Variants in PIK3C2G observed in about 807,000 individuals in gnomAD.
PIK3C2G encodes phosphatidylinositol-4-phosphate 3-kinase catalytic subunit type 2 gamma, also known as phosphatidylinositol 3-kinase C2 domain-containing subunit gamma.
Under a neutral mutation model 181.1 loss-of-function variants are expected in PIK3C2G, and 168 were observed. The observed-to-expected ratio is 0.93, with a 90% CI of 0.82 to 1.05. PIK3C2G has a LOEUF of 1.05. Among genes scored for constraint, PIK3C2G ranks in the 50% least tolerant of loss-of-function variants. The probability of loss-of-function intolerance (pLI) is 0.00; values close to 1 mark genes in which losing one functional copy is unlikely to be tolerated. For synonymous variants in PIK3C2G, 573 were observed against 592.2 expected (o/e 0.97, Z 0.47); for missense variants, 1,869 against 1,732.8 (o/e 1.08, Z -1.40).
intron 6 of PIK3C2G, among the ~76,000 whole-genome samples, chr12:18,319,768 T>C (rs1951025308): frequency 6.6e-6 from 1 of 152,184 alleles, no homozygotes; most frequent in African/African-American, 2.4e-5. Flanking sequence ...TTTCCTATTT[T>C]CCCTCTTCTT....
rs1437413508 is a variant in PIK3C2G at position 18,251,053 on chromosome 12, A to G, written c.-79+2971A>G. 3.3e-5 allele frequency among the ~76,000 whole-genome samples: 5 copies of G among 151,958 alleles called. No individual in the cohort carries two copies. The East Asian group carries it at 9.6e-4, about 29-fold the overall frequency. On this transcript the variant is annotated intron_variant, in intron 1 of 11. Transcript: ENST00000535651. Reference sequence around the variant, plus strand: ...CAAAGAAATCAGAAAAGAGAGTAGAATTCCTTAATTCTTGAATTTTCTAGA... The same window carrying G: ...CAAAGAAATCAGAAAAGAGAGTAGAGTTCCTTAATTCTTGAATTTTCTAGA...
intron 13 of PIK3C2G, among the ~76,000 whole-genome samples, chr12:18,372,947 T>G (rs1275733378): frequency 6.6e-6 from 1 of 152,054 alleles, no homozygotes; most frequent in Non-Finnish European, 1.5e-5. Flanking sequence ...GCGTCAAAAT[T>G]GTAGACAATG....
At chr12:18,531,500 G>GCCCTTT (rs1403521631) in intron 24 of PIK3C2G, among the ~76,000 whole-genome samples, 3 of 151,998 alleles carry the variant, frequency 2.0e-5, no homozygotes, top group African/African-American at 7.2e-5. Flanking sequence ...TCTTCAGGTT[G>GCCCTTT]CCCTTTTGTA....
Position 18,647,770 on chromosome 12 carries a change from G to A in PIK3C2G, c.4309-106G>A, listed in dbSNP as rs556240838. The A allele has an allele frequency of 9.7e-6, 5 of 513,044 alleles. No homozygotes were observed. The South Asian group carries it at 1.7e-4, about 17-fold the overall frequency. 31.8% of individuals were successfully genotyped at this position (513,044 alleles called of 1,614,324 possible). A position where few individuals can be genotyped will look rare whatever the true frequency, so the allele number is the denominator to read the frequency against. ...TCTGACATTAACCTATCTATTCCAG[G>A]GTATAAGATATTAGCAGCTAATTTT... is the stretch of plus-strand genomic sequence containing the variant. On this transcript the variant is annotated intron_variant, in intron 32 of 32. Coordinates refer to ENST00000538779, the MANE Select transcript of PIK3C2G (RefSeq NM_001288772.2).
At chr12:18,612,012 A>G (rs1948365898) in intron 31 of PIK3C2G, among the ~76,000 whole-genome samples, 1 of 152,078 alleles carries the variant, frequency 6.6e-6, no homozygotes, top group African/African-American at 2.4e-5. Context: ...GGAGTCTTAT[A>G]TCAGTTGCAA....
rs538113790 is a variant in PIK3C2G, at chr12:18,632,847, A to G, written c.4183-7582A>G. Among the ~76,000 whole-genome samples, 46 of 152,172 alleles carry G rather than the reference A, an allele frequency of 3.0e-4. 1 individual carries two copies. The highest frequency in any genetic ancestry group is 6.0e-4 in the Non-Finnish European group (41 of 68,028). On this transcript the variant is annotated intron_variant, in intron 31 of 32. Transcript: ENST00000538779. Reference sequence around the variant, plus strand: ...ACAATCTACTTTACTGGGTCTCTGGATTCAAATGCTGATCTCTTTTGGAAA... The same window carrying G: ...ACAATCTACTTTACTGGGTCTCTGGGTTCAAATGCTGATCTCTTTTGGAAA...
At chr12:18,602,348 GC>G (rs1045681515) in intron 30 of PIK3C2G, among the ~76,000 whole-genome samples, 2 of 151,212 alleles carry the variant, frequency 1.3e-5, no homozygotes, top group African/African-American at 2.4e-5. Context: ...GGGACCTCAC[GC>G]CCACCCCCCA....
chr12:18,592,448 GT>G (rs1187251482), intron 29 of PIK3C2G, among the ~76,000 whole-genome samples: 3 of 151,830 alleles, frequency 2.0e-5, no homozygotes, highest in Non-Finnish European at 4.4e-5. Flanking sequence ...ATTCCCATTG[GT>G]TTTGAAATAT....
chr12:18,448,930 T>C (rs1947180184), intron 18 of PIK3C2G, among the ~76,000 whole-genome samples: 1 of 152,014 alleles, frequency 6.6e-6, no homozygotes, highest in African/African-American at 2.4e-5. Context: ...CTATTATGAA[T>C]AAGGCTGCAA....
At chr12:18,477,189 C>T (rs1939089890) in intron 18 of PIK3C2G, among the ~76,000 whole-genome samples, 1 of 152,114 alleles carries the variant, frequency 6.6e-6, no homozygotes, top group South Asian at 2.1e-4. Context: ...ACCTTAATTA[C>T]CTTCCTAAAG....
chr12:18,481,095 G>A (rs1939517646), intron 18 of PIK3C2G, among the ~76,000 whole-genome samples: 1 of 100,094 alleles, frequency 1.0e-5, no homozygotes, highest in Non-Finnish European at 2.0e-5. Context: ...ACCACATCCA[G>A]CTAATTTTTT....
intron 26 of PIK3C2G, among the ~76,000 whole-genome samples, chr12:18,557,340 G>T (rs1446125486): frequency 2.0e-5 from 3 of 151,622 alleles, no homozygotes; most frequent in Admixed American, 2.0e-4. Flanking sequence ...AAAATAACAA[G>T]AATTTAGTAA....
intron 31 of PIK3C2G, among the ~76,000 whole-genome samples, chr12:18,636,547 G>C (rs76210816): frequency 0.092 from 13,944 of 152,162 alleles, 880 homozygotes; most frequent in Non-Finnish European, 0.14. Context: ...TTGTTAACAG[G>C]TATTGATAAA....
intron 1 of PIK3C2G, among the ~76,000 whole-genome samples, chr12:18,275,241 G>T (rs1948932938): frequency 6.6e-6 from 1 of 152,192 alleles, no homozygotes; most frequent in African/African-American, 2.4e-5. Flanking sequence ...CTTCCCAAAA[G>T]ATTGTAAGAC....
the PIK3C2G span, among the ~76,000 whole-genome samples, chr12:18,709,890 T>G: frequency 1.3e-5 from 2 of 152,098 alleles, no homozygotes; most frequent in Non-Finnish European, 2.9e-5. Context: ...TTGGTTAAAT[T>G]TATTCCTAGA....
chr12:18,670,299 C>T, the PIK3C2G span, among the ~76,000 whole-genome samples: 14 of 152,158 alleles, frequency 9.2e-5, no homozygotes, highest in South Asian at 2.1e-4. Flanking sequence ...TATGCGCACA[C>T]ACACACACAC....
intron 26 of PIK3C2G, among the ~76,000 whole-genome samples, chr12:18,555,809 T>G (rs1944980079): frequency 6.6e-6 from 1 of 152,174 alleles, no homozygotes; most frequent in Non-Finnish European, 1.5e-5. Flanking sequence ...GTTTGCTTTT[T>G]AAAATCCACA....
intron 18 of PIK3C2G, among the ~76,000 whole-genome samples, chr12:18,434,342 A>G (rs930029077): frequency 1.2e-4 from 18 of 152,192 alleles, no homozygotes; most frequent in Admixed American, 1.2e-3. Context: ...GAATTTTTAA[A>G]GGGAACACAT....
chr12:18,574,184 G>C (rs1946117949), intron 29 of PIK3C2G, among the ~76,000 whole-genome samples: 1 of 152,172 alleles, frequency 6.6e-6, no homozygotes, highest in Non-Finnish European at 1.5e-5. Context: ...TTCTTGGAGA[G>C]ACACAGGATC....
Sources: allele counts gnomAD v4.1 joint callset (sites outside exome capture counted in the v4.1 genomes callset), GRCh38; gene constraint gnomAD v4.1.1; transcripts MANE v1.5; gene names NCBI Gene and HGNC (gene_info 2026-07-23, HGNC 2026-07-21).